The following SCAI variants were observed in gnomAD, a reference collection of about 807,000 sequenced individuals.
The protein encoded by SCAI is protein SCAI.
SCAI carries 24 observed loss-of-function variants against 92.2 expected under a neutral mutation model. The observed-to-expected ratio is 0.26, with a 90% confidence interval of 0.19 to 0.37. The LOEUF (loss-of-function observed/expected upper bound fraction) is 0.37, where lower values mean the gene tolerates loss of function less well. SCAI is among the 10% of genes least tolerant of loss of function. The pLI is 1.00. For synonymous variants in SCAI, 261 were observed against 258.6 expected (o/e 1.01, Z -0.09); for missense variants, 450 against 736.2 (o/e 0.61, Z 4.50).
chr9:124,980,144 A>T (rs1831853716), intron 14 of SCAI, among the ~76,000 whole-genome samples: 1 of 152,174 alleles, frequency 6.6e-6, no homozygotes, highest in Non-Finnish European at 1.5e-5. Flanking sequence ...TTCTTTTGAT[A>T]AGGCAGATTG....
chr9:124,968,991 C>T (rs930336324), intron 17 of SCAI, among the ~76,000 whole-genome samples: 1 of 151,744 alleles, frequency 6.6e-6, no homozygotes, highest in African/African-American at 2.4e-5. Context: ...GCACAGTTGG[C>T]CCATGCAGTG....
chr9:125,099,206 A>G (rs780934143), intron 2 of SCAI, among the ~76,000 whole-genome samples: 8 of 152,214 alleles, frequency 5.3e-5, no homozygotes, highest in Non-Finnish European at 1.0e-4. Context: ...TAGAGAAAAT[A>G]TATATGCAGA....
intron 2 of SCAI, among the ~76,000 whole-genome samples, chr9:125,072,301 C>T (rs750654006): frequency 3.3e-5 from 5 of 151,956 alleles, no homozygotes; most frequent in African/African-American, 4.8e-5. Context: ...GGATTACAGG[C>T]GTAAGATAGT....
At chr9:125,030,596 A>G (rs1312563455) in intron 3 of SCAI, among the ~76,000 whole-genome samples, 1 of 152,260 alleles carries the variant, frequency 6.6e-6, no homozygotes, top group African/African-American at 2.4e-5. Context: ...CATAACAAAC[A>G]TGTAACATAT....
chr9:125,138,460 G>T (rs1835590058), intron 2 of SCAI, among the ~76,000 whole-genome samples: 1 of 151,836 alleles, frequency 6.6e-6, no homozygotes, highest in South Asian at 2.1e-4. Flanking sequence ...TGTCGCCCAG[G>T]CTGGAGTGCA....
intron 2 of SCAI, among the ~76,000 whole-genome samples, chr9:125,099,739 G>A (rs2131210875): frequency 6.6e-6 from 1 of 152,266 alleles, no homozygotes; most frequent in Admixed American, 6.5e-5. Flanking sequence ...AAATTCTACT[G>A]TCTCTATGAA....
At chr9:125,095,890 A>G (rs1834541340) in intron 2 of SCAI, among the ~76,000 whole-genome samples, 1 of 152,218 alleles carries the variant, frequency 6.6e-6, no homozygotes, top group Non-Finnish European at 1.5e-5. Context: ...GGGAGGCTTA[A>G]ACTGAGAAAG....
intron 2 of SCAI, among the ~76,000 whole-genome samples, chr9:125,078,372 C>G (rs1232416294): frequency 6.6e-6 from 1 of 151,672 alleles, no homozygotes; most frequent in Non-Finnish European, 1.5e-5. Flanking sequence ...ACCAAAAATA[C>G]AAAAAATTAG....
At chr9:125,084,195 G>A (rs1834279214) in intron 2 of SCAI, among the ~76,000 whole-genome samples, 1 of 90,630 alleles carries the variant, frequency 1.1e-5, no homozygotes, top group South Asian at 3.6e-4. Context: ...TTTTGAGATG[G>A]AGTCTCGCTC....
chr9:124,994,230 T>A (rs1329163743), intron 14 of SCAI, among the ~76,000 whole-genome samples: 2 of 152,146 alleles, frequency 1.3e-5, no homozygotes, highest in Non-Finnish European at 2.9e-5. Context: ...GATGGGGGTT[T>A]CTCCATGTTG....
At chr9:124,987,172 T>C (rs760659952) in intron 14 of SCAI, among the ~76,000 whole-genome samples, 4 of 152,018 alleles carry the variant, frequency 2.6e-5, no homozygotes, top group African/African-American at 9.7e-5. Flanking sequence ...TACAGGCATG[T>C]GCCACCATGC....
chr9:125,101,367 T>C (rs1564413535), intron 2 of SCAI, among the ~76,000 whole-genome samples: 1 of 151,788 alleles, frequency 6.6e-6, no homozygotes, highest in Non-Finnish European at 1.5e-5. Flanking sequence ...TTTAAATCAG[T>C]AGAGAGAGTG....
chr9:124,980,531 TG>T (rs1831864186), intron 14 of SCAI, among the ~76,000 whole-genome samples: 1 of 152,186 alleles, frequency 6.6e-6, no homozygotes, highest in South Asian at 2.1e-4. Flanking sequence ...GCTTTCCTTC[TG>T]GGAGTGTAGC....
chr9:125,060,907 T>C (rs1833756782), intron 2 of SCAI, among the ~76,000 whole-genome samples: 1 of 152,224 alleles, frequency 6.6e-6, no homozygotes, highest in Admixed American at 6.5e-5. Flanking sequence ...GTGTTCCTAT[T>C]CAAGTATTTC....
intron 2 of SCAI, among the ~76,000 whole-genome samples, chr9:125,105,151 G>C (rs943129702): frequency 4.0e-5 from 6 of 151,792 alleles, no homozygotes; most frequent in Non-Finnish European, 7.4e-5. Flanking sequence ...GGCCAACATA[G>C]TGAAACCCCA....
intron 2 of SCAI, among the ~76,000 whole-genome samples, chr9:125,111,720 G>C (rs1834932760): frequency 6.6e-6 from 1 of 152,124 alleles, no homozygotes; most frequent in African/African-American, 2.4e-5. Flanking sequence ...AGGCAGCAAG[G>C]ACAGTGATCT....
intron 9 of SCAI, among the ~76,000 whole-genome samples, chr9:125,017,100 TAAGAA>T (rs1832775799): frequency 6.6e-6 from 1 of 152,140 alleles, no homozygotes; most frequent in South Asian, 2.1e-4. Flanking sequence ...TACAGATCAA[TAAGAA>T]AATACTGGAA....
intron 2 of SCAI, among the ~76,000 whole-genome samples, chr9:125,085,233 T>A (rs1308980605): frequency 6.6e-6 from 1 of 152,228 alleles, no homozygotes; most frequent in East Asian, 1.9e-4. Context: ...ATGCCTGTAA[T>A]CCCAGCGCTT....
chr9:125,142,342 G>A (rs1029578666), intron 2 of SCAI: 52 of 239,512 alleles, frequency 2.2e-4, no homozygotes, highest in Non-Finnish European at 4.0e-4. Flanking sequence ...ATGAAATTAT[G>A]GCTAAGGTTA....
Sources: gnomAD v4.1 joint callset for allele counts (sites outside exome capture counted in the v4.1 genomes callset) on GRCh38, gnomAD v4.1.1 for gene constraint, MANE v1.5 for transcripts, NCBI Gene and HGNC (gene_info 2026-07-23, HGNC 2026-07-21) for gene names.